The following JAKMIP3 variants were observed in gnomAD, a reference collection of about 807,000 sequenced individuals.
The protein encoded by JAKMIP3 is Janus kinase and microtubule interacting protein 3.
In JAKMIP3, 58 loss-of-function variants were observed where a neutral mutation model predicts 118.5. The ratio of observed to expected loss-of-function variants is 0.49; its 90% CI spans 0.40 to 0.61. JAKMIP3 has a LOEUF of 0.61. Among genes scored for constraint, JAKMIP3 ranks in the 20% least tolerant of loss-of-function variants. JAKMIP3 has a pLI of 0.00. For missense variants in JAKMIP3, 950 were observed against 1,109.0 expected (o/e 0.86, Z 2.04); for synonymous variants, 486 against 451.2 (o/e 1.08, Z -0.98).
At chr10:132,040,121 GGGT>G (rs1282507842) in intron 1 of JAKMIP3, among the ~76,000 whole-genome samples, 1 of 152,156 alleles carries the variant, frequency 6.6e-6, no homozygotes, top group Non-Finnish European at 1.5e-5. Flanking sequence ...GGTATTGGGG[GGGT>G]GGGCCCTTTG....
At position 132,180,754 on chromosome 10, in the gene JAKMIP3, TGTGTGC is replaced by T. The variant is rs1480213271; in HGVS notation, c.*1104-1597_*1104-1592del. ...GCGTGTGTGCGTGCGTGCGCGCGCG[TGTGTGC>T]GTGTGTGTGCGTGTGTGTGTGTGCG... On this transcript the variant is annotated intron_variant, in intron 23 of 23. Coordinates refer to ENST00000684848, the MANE Select transcript of JAKMIP3 (RefSeq NM_001323087.2). 7.7e-4 allele frequency among the ~76,000 whole-genome samples: 18 copies of T among 23,408 alleles called. 3 individuals are homozygous for T. The East Asian group carries it at 0.064, about 84-fold the overall frequency. 15.4% of individuals were successfully genotyped at this position (23,408 alleles called of 152,430 possible).
intron 2 of JAKMIP3, among the ~76,000 whole-genome samples, chr10:132,109,522 T>C (rs568892706): frequency 1.1e-3 from 163 of 152,274 alleles, no homozygotes; most frequent in African/African-American, 3.8e-3. Flanking sequence ...CCGGGCGTCT[T>C]CTGTCCTGAG....
chr10:132,180,634 C>CGTGCGTGTGTGCGTGTGCGT lies in JAKMIP3; in HGVS notation c.*1104-1705_*1104-1686dup, dbSNP rs1280453148. Among the ~76,000 whole-genome samples the CGTGCGTGTGTGCGTGTGCGT allele has an allele frequency of 3.1e-4, 4 of 12,822 alleles. 1 individual carries two copies. The highest frequency in any genetic ancestry group is 5.4e-4 in the Non-Finnish European group (4 of 7,416). The allele number at this position is 12,822 out of a possible 152,430, so 8.4% of individuals were successfully genotyped here. A position where few individuals can be genotyped will look rare whatever the true frequency, so the allele number is the denominator to read the frequency against. On this transcript the variant is annotated intron_variant, in intron 23 of 23. Transcript: ENST00000684848. Reference sequence around the variant, plus strand: ...GTGTGTGCGTGTGTGTGCGTGTGTGCGTGCGTGTGTGCGTGTGCGTGTGCG... The same window carrying CGTGCGTGTGTGCGTGTGCGT: ...GTGTGTGCGTGTGTGTGCGTGTGTGCGTGCGTGTGTGCGTGTGCGTGTGCGTGTGTGCGTGTGCGTGTGCG...
chr10:132,042,219 T>TTCCTTCCTTCC (rs1564848163), intron 1 of JAKMIP3, among the ~76,000 whole-genome samples: 11 of 29,234 alleles, frequency 3.8e-4, no homozygotes, highest in African/African-American at 1.0e-3. Context: ...TCCTTCCTTC[T>TTCCTTCCTTCC]TTCCTCCTCC....
chr10:132,063,603 G>C (rs916918085), upstream of JAKMIP3, among the ~76,000 whole-genome samples: 2 of 152,338 alleles, frequency 1.3e-5, 1 homozygote, highest in East Asian at 3.9e-4. Context: ...CCTGCTCTCC[G>C]CCTCAGCCAG....
rs1190806662 is a variant in JAKMIP3 at position 132,183,488 on chromosome 10, C to G, written c.*2235C>G. The G allele has an allele frequency of 7.0e-6, 1 of 142,136 alleles. No homozygotes were observed. Among genetic ancestry groups the G allele is most frequent in the Non-Finnish European group, 1.6e-5 (1 of 62,522 alleles). 8.8% of individuals were successfully genotyped at this position (142,136 alleles called of 1,614,324 possible). On this transcript the variant is annotated 3_prime_UTR_variant, in exon 24 of 24. Coordinates refer to ENST00000684848, the MANE Select transcript of JAKMIP3 (RefSeq NM_001323087.2). ...TACACCTCTATCCACCACAGACACT[C>G]TTAATCACAGTTCTGTAATAATAAT...
At position 132,112,256 on chromosome 10, in the gene JAKMIP3, C is replaced by T. The variant is rs1036045198; in HGVS notation, c.136-4821C>T. 6.6e-6 allele frequency among the ~76,000 whole-genome samples: 1 copy of T among 151,916 alleles called. No individual in the cohort carries two copies. The highest frequency in any genetic ancestry group is 1.5e-5 in the Non-Finnish European group (1 of 67,940). On this transcript the variant is annotated intron_variant, in intron 2 of 23. Transcript: ENST00000684848. The surrounding 1 kb of genome is among the most constrained non-coding windows in gnomAD (Gnocchi z 4.3). The stretch of plus-strand genomic sequence containing the variant: ...TGGTGAGCACAGGTGCCTGCTGTCC[C>T]GCGGGGCACACGGGCCTCAGGTGTG...
intron 2 of JAKMIP3, among the ~76,000 whole-genome samples, chr10:132,106,329 C>A (rs2045895417): frequency 6.6e-6 from 1 of 150,610 alleles, no homozygotes; most frequent in Admixed American, 6.6e-5. Flanking sequence ...CAGAGCGAGA[C>A]CCTGTCTCTA....
intron 1 of JAKMIP3, among the ~76,000 whole-genome samples, chr10:132,042,184 C>CTTCATTCCTTCCTTCCTTCCT (rs1554909339): frequency 7.6e-6 from 1 of 132,096 alleles, no homozygotes; most frequent in Non-Finnish European, 1.6e-5. Flanking sequence ...TGCTCGCTCG[C>CTTCATTCCTTCCTTCCTTCCT]TCCTTCCTTC....
intron 19 of JAKMIP3, among the ~76,000 whole-genome samples, chr10:132,159,722 G>GGTCCTCTC (rs2057743649): frequency 9.2e-6 from 1 of 108,836 alleles, no homozygotes; most frequent in Non-Finnish European, 1.8e-5. Flanking sequence ...GATGCTGGGG[G>GGTCCTCTC]CATGTCTTCC....
intron 23 of JAKMIP3, among the ~76,000 whole-genome samples, chr10:132,180,550 C>CGTGTGTGTGCGCGCGT (rs1158667097): frequency 1.6e-4 from 1 of 6,356 alleles, no homozygotes; most frequent in Non-Finnish European, 2.9e-4. Flanking sequence ...TGTGTGCGTG[C>CGTGTGTGTGCGCGCGT]GTGCATGCGT....
intron 3 of JAKMIP3, 113 bp from the exon 4 acceptor site, chr10:132,133,199 C>T (rs879012459): frequency 7.7e-6 from 7 of 911,362 alleles, no homozygotes; most frequent in East Asian, 2.6e-5. Context: ...CAGGATGCTT[C>T]GCTTTTGCTT....
rs1469159743 is a variant in JAKMIP3 at position 132,167,029 on chromosome 10, C to T, written c.2537C>T (p.Ser846Leu). The change falls in exon 22 of 24, where the codon TCA becomes TTA. Residue 846 changes from serine (S) to leucine (L), a missense_variant. Coordinates refer to ENST00000684848, the MANE Select transcript of JAKMIP3 (RefSeq NM_001323087.2). Reference sequence around the variant, plus strand: ...TTCTCCTTAGCTTTCATTCTCTGGTCATAGTCCGTCTTGGCACCCTGACGT... The same window carrying T: ...TTCTCCTTAGCTTTCATTCTCTGGTTATAGTCCGTCTTGGCACCCTGACGT... ...LFFSLAFILWS is the reference protein window; with the variant it reads ...LFFSLAFILWL The T allele has an allele frequency of 6.5e-7, 1 of 1,550,256 alleles. No individual in the cohort carries two copies. Among genetic ancestry groups the T allele is most frequent in the East Asian group, 2.4e-5 (1 of 40,920 alleles).
chr10:132,140,641 T>A (rs1268705789), intron 10 of JAKMIP3, 62 bp downstream of exon 10: 5 of 1,053,414 alleles, frequency 4.7e-6, no homozygotes, highest in Non-Finnish European at 6.3e-6. Context: ...TCCTGCCGGG[T>A]CCTGGGCTTG....
rs1017675962 is a variant in JAKMIP3 at position 132,118,773 on chromosome 10, G to A, written c.633+1199G>A. On this transcript the variant is annotated intron_variant, in intron 3 of 23. Transcript: ENST00000684848. This position sits in a 1 kb window ranked among gnomAD's most constrained non-coding sequence, Gnocchi z 4.8. Reference sequence around the variant, plus strand: ...TTCGCCCTGTCCCAAGCCACATATCGATGTCACCTTAGCAACCCAAGGACC... The same window carrying A: ...TTCGCCCTGTCCCAAGCCACATATCAATGTCACCTTAGCAACCCAAGGACC... Among the ~76,000 whole-genome samples, 5 of 152,056 alleles carry A rather than the reference G, an allele frequency of 3.3e-5. No homozygotes were observed. The highest frequency in any genetic ancestry group is 2.1e-4 in the South Asian group (1 of 4,808).
At position 132,053,805 on chromosome 10, in the gene JAKMIP3, C is replaced by T. The variant is rs182483153; in HGVS notation, c.-138+17067C>T. ...ATCCCAGCACTTTGGGAGGCCGAGG[C>T]GGGCAGATCACGAGGTCAGGAGATC... On this transcript the variant is annotated intron_variant, in intron 1 of 23. Coordinates refer to the JAKMIP3 transcript ENST00000657785. Among the ~76,000 whole-genome samples the T allele has an allele frequency of 4.4e-3, 676 of 151,998 alleles. 3 individuals are homozygous for T. The highest frequency in any genetic ancestry group is 0.015 in the African/African-American group (611 of 41,418).
intron 1 of JAKMIP3, among the ~76,000 whole-genome samples, chr10:132,038,452 A>G (rs972353358): frequency 2.0e-5 from 3 of 152,218 alleles, no homozygotes; most frequent in East Asian, 1.9e-4. Flanking sequence ...TGGCATAACA[A>G]TAAGCTAATT....
chr10:132,140,600 G>C (rs778660973), intron 10 of JAKMIP3, 21 bp downstream of exon 10: 6 of 1,379,112 alleles, frequency 4.4e-6, no homozygotes, highest in Non-Finnish European at 3.8e-6. Flanking sequence ...TCTCCTGCCG[G>C]GTCCTGGGCT....
At chr10:132,136,774 C>T (rs544353131) in intron 6 of JAKMIP3, among the ~76,000 whole-genome samples, 28 of 152,284 alleles carry the variant, frequency 1.8e-4, no homozygotes, top group South Asian at 6.2e-4. Context: ...CTGGGAGACC[C>T]GCAGGGCCCA....
Sources: gnomAD v4.1 joint callset for allele counts (sites outside exome capture counted in the v4.1 genomes callset) on GRCh38, gnomAD v4.1.1 for gene constraint, Gnocchi (gnomAD v3.1) non-coding constraint, MANE v1.5 for transcripts, NCBI Gene and HGNC (gene_info 2026-07-23, HGNC 2026-07-21) for gene names.